The following OR3A2 variants were observed in gnomAD, a reference collection of about 807,000 sequenced individuals.
The protein encoded by OR3A2 is olfactory receptor 3A2.
For missense variants in OR3A2, 318 were observed against 392.8 expected (o/e 0.81, Z 1.61); for synonymous variants, 126 against 159.3 (o/e 0.79, Z 1.57).
At chr17:3,378,785 T>C (rs1329788226) in intron 2 of OR3A2, among the ~76,000 whole-genome samples, 1 of 152,126 alleles carries the variant, frequency 6.6e-6, no homozygotes, top group East Asian at 1.9e-4. Context: ...CCCCGGAAGT[T>C]CTCCCTGAAC....
At chr17:3,372,008 G>GCTGCAATCTCGGCACTTT in intron 2 of OR3A2, among the ~76,000 whole-genome samples, 1 of 111,364 alleles carries the variant, frequency 9.0e-6, no homozygotes, top group East Asian at 4.5e-4. Context: ...CCGGGCAGAG[G>GCTGCAATCTCGGCACTTT]GGCTCCTCAC....
chr17:3,297,602 T>C (rs1436522583), intron 3 of OR3A2, among the ~76,000 whole-genome samples: 1 of 151,654 alleles, frequency 6.6e-6, no homozygotes, highest in Non-Finnish European at 1.5e-5. Context: ...TGTTAACCTC[T>C]CACACGGACA....
intron 2 of OR3A2, among the ~76,000 whole-genome samples, chr17:3,346,121 A>C (rs1033040392): frequency 6.6e-6 from 1 of 152,218 alleles, no homozygotes; most frequent in Non-Finnish European, 1.5e-5. Flanking sequence ...AATAAAAAAA[A>C]TTGCCAGGAC....
intron 2 of OR3A2, among the ~76,000 whole-genome samples, chr17:3,381,142 G>T (rs565677182): frequency 2.0e-5 from 3 of 152,134 alleles, no homozygotes; most frequent in South Asian, 4.2e-4. Flanking sequence ...CTGTCCCGGT[G>T]GGTGTGCGTG....
chr17:3,327,395 A>G (rs1329596639), intron 3 of OR3A2, among the ~76,000 whole-genome samples: 110 of 89,538 alleles, frequency 1.2e-3, no homozygotes, highest in Middle Eastern at 4.4e-3. Flanking sequence ...CCACTTTTTG[A>G]TGGGGTTGTT....
intron 3 of OR3A2, chr17:3,310,237 C>G: frequency 2.1e-6 from 1 of 467,966 alleles, no homozygotes; most frequent in Non-Finnish European, 4.4e-6. Context: ...TGATTGTTAT[C>G]AACACCTCAT....
At chr17:3,332,075 C>G (rs2049240313) in intron 3 of OR3A2, among the ~76,000 whole-genome samples, 1 of 152,114 alleles carries the variant, frequency 6.6e-6, no homozygotes, top group Non-Finnish European at 1.5e-5. Context: ...TGCCCATTCT[C>G]AGATCTCCAG....
intron 1 of OR3A2, among the ~76,000 whole-genome samples, chr17:3,384,259 C>T (rs956622535): frequency 6.6e-6 from 1 of 152,156 alleles, no homozygotes; most frequent in African/African-American, 2.4e-5. Flanking sequence ...AAATGGGGGA[C>T]AAAATGAGTA....
chr17:3,369,707 C>T (rs1005133573), intron 2 of OR3A2, among the ~76,000 whole-genome samples: 2 of 151,604 alleles, frequency 1.3e-5, no homozygotes, highest in Non-Finnish European at 2.9e-5. Flanking sequence ...TTTGTTATGT[C>T]CTTTCCTGAT....
At chr17:3,324,862 T>G (rs1202134945) in intron 3 of OR3A2, among the ~76,000 whole-genome samples, 1 of 152,040 alleles carries the variant, frequency 6.6e-6, no homozygotes, top group East Asian at 1.9e-4. Flanking sequence ...GAGATTTTCT[T>G]CTTATGTGAA....
chr17:3,279,140 A>G, intron 1 of OR3A2: 1 of 721,012 alleles, frequency 1.4e-6, no homozygotes, highest in Non-Finnish European at 2.3e-6. Flanking sequence ...TGCTAGCTGA[A>G]AAGGTCAGAA....
intron 3 of OR3A2, among the ~76,000 whole-genome samples, chr17:3,331,847 T>C (rs1391828827): frequency 2.0e-5 from 3 of 151,364 alleles, no homozygotes; most frequent in East Asian, 1.9e-4. Context: ...TTTGTGGTTT[T>C]ATCTACTTTT....
intron 3 of OR3A2, among the ~76,000 whole-genome samples, chr17:3,320,431 T>A (rs1284625857): frequency 1.4e-4 from 20 of 138,970 alleles, no homozygotes; most frequent in African/African-American, 5.3e-4. Context: ...GCTTTTGGTG[T>A]TTTAGACATG....
chr17:3,292,653 A>T, intron 3 of OR3A2: 1 of 1,347,980 alleles, frequency 7.4e-7, no homozygotes, highest in African/African-American at 1.5e-5. Context: ...CTCAAGAAAA[A>T]GAAACAGACC....
intron 2 of OR3A2, among the ~76,000 whole-genome samples, chr17:3,373,696 G>C (rs1036737384): frequency 1.3e-5 from 2 of 152,028 alleles, no homozygotes; most frequent in African/African-American, 4.8e-5. Context: ...TTATGCGTTA[G>C]GTGAGCCTCT....
upstream of OR3A2, among the ~76,000 whole-genome samples, chr17:3,287,339 T>C (rs371825894): frequency 6.7e-6 from 1 of 149,438 alleles, no homozygotes; most frequent in Non-Finnish European, 1.5e-5. Context: ...ACCCATTAAG[T>C]AATTTATTCT....
intron 2 of OR3A2, among the ~76,000 whole-genome samples, chr17:3,350,946 C>G (rs1460538439): frequency 1.3e-5 from 2 of 151,506 alleles, no homozygotes; most frequent in Non-Finnish European, 2.9e-5. Context: ...ATGATTATCT[C>G]AATAGATGCA....
At chr17:3,336,517 A>G (rs2049275528) in intron 2 of OR3A2, among the ~76,000 whole-genome samples, 1 of 152,228 alleles carries the variant, frequency 6.6e-6, no homozygotes, top group African/African-American at 2.4e-5. Context: ...AAAGAATTTC[A>G]AATAAACTTA....
rs753849951 is a variant in OR3A2 at position 3,311,098 on chromosome 17, C to T, written c.-85+24935G>A. 3.7e-6 allele frequency: 2 copies of T among 543,106 alleles called. No homozygotes were observed. The highest frequency in any genetic ancestry group is 2.8e-5 in the South Asian group (2 of 72,498). 33.6% of individuals were successfully genotyped at this position (543,106 alleles called of 1,614,324 possible). ...TATGGGACGGGCGTCTTCAGCTACA[C>T]AAGGCTGGGTTCAGTGGAGTCTTCG... On this transcript the variant is annotated intron_variant, in intron 3 of 4. Coordinates refer to the OR3A2 transcript ENST00000573491. This position sits in a 1 kb window ranked among gnomAD's most constrained non-coding sequence, Gnocchi z 4.6.
Sources: gnomAD v4.1 joint callset for allele counts (sites outside exome capture counted in the v4.1 genomes callset) on GRCh38, gnomAD v4.1.1 for gene constraint, Gnocchi (gnomAD v3.1) non-coding constraint, MANE v1.5 for transcripts, NCBI Gene and HGNC (gene_info 2026-07-23, HGNC 2026-07-21) for gene names.